Variants in GRIN2A observed in about 807,000 individuals in gnomAD.
GRIN2A encodes the protein glutamate ionotropic receptor NMDA type subunit 2A, also known as glutamate receptor ionotropic, NMDA 2A.
In GRIN2A, 22 loss-of-function variants were observed where a neutral mutation model predicts 113.4. That is an observed-to-expected ratio of 0.19 (90% CI 0.14 to 0.28). The LOEUF (loss-of-function observed/expected upper bound fraction) is 0.28. GRIN2A is among the 10% of genes least tolerant of loss of function. The pLI, the probability that GRIN2A is intolerant of heterozygous loss-of-function variation, is 1.00. For missense variants in GRIN2A, 1,502 were observed against 1,887.0 expected (o/e 0.80, Z 3.78); for synonymous variants, 827 against 738.4 (o/e 1.12, Z -1.94).
chr16:10,118,031 T>A (rs2048761730), intron 2 of GRIN2A, among the ~76,000 whole-genome samples: 1 of 151,992 alleles, frequency 6.6e-6, no homozygotes, highest in Non-Finnish European at 1.5e-5. Context: ...CCAATGATAA[T>A]CTTGGGGCAT....
intron 2 of GRIN2A, among the ~76,000 whole-genome samples, chr16:10,040,932 C>A (rs1328987206): frequency 6.6e-6 from 1 of 152,236 alleles, no homozygotes; most frequent in South Asian, 2.1e-4. Context: ...CTGCCGCAGG[C>A]TGGAAGAGGT....
intron 2 of GRIN2A, among the ~76,000 whole-genome samples, chr16:10,172,330 G>GT (rs1196188611): frequency 6.6e-6 from 1 of 152,238 alleles, no homozygotes; most frequent in African/African-American, 2.4e-5. Flanking sequence ...CTTAAGGCCA[G>GT]TGGGCTCAAC....
At chr16:10,092,131 G>C (rs1434160358) in intron 2 of GRIN2A, among the ~76,000 whole-genome samples, 1 of 152,160 alleles carries the variant, frequency 6.6e-6, no homozygotes, top group Non-Finnish European at 1.5e-5. Context: ...ACAAAGAATA[G>C]AAGAGTTTAG....
At position 10,058,405 on chromosome 16, in the gene GRIN2A, C is replaced by T. The variant is rs551685579; in HGVS notation, c.415-119854G>A. On this transcript the variant is annotated intron_variant, in intron 2 of 12. Transcript: ENST00000330684. ...AAACAAACTTGTGTTATGTTTATGT[C>T]GGTATTAACATGCTAAATCACAAGA... Among the ~76,000 whole-genome samples, 20 of 152,234 alleles carry T rather than the reference C, an allele frequency of 1.3e-4. No individual in the cohort carries two copies. In the South Asian group the frequency reaches 2.1e-3, roughly 16 times the overall value.
At chr16:9,949,552 A>G (rs1279044972) in intron 2 of GRIN2A, among the ~76,000 whole-genome samples, 2 of 151,100 alleles carry the variant, frequency 1.3e-5, no homozygotes, top group Admixed American at 1.3e-4. Context: ...GGTTGGGAGG[A>G]TGAATGAATG....
At chr16:9,920,201 A>T (rs2044332756) in intron 3 of GRIN2A, among the ~76,000 whole-genome samples, 1 of 152,240 alleles carries the variant, frequency 6.6e-6, no homozygotes, top group African/African-American at 2.4e-5. Context: ...TGTTGAGGGT[A>T]AATGGATACA....
rs1315475857 is a variant in GRIN2A at position 9,764,634 on chromosome 16, C to T, written c.2910G>A (p.Arg970=). ...MNELQTFVAN[R]QKDNLNNYVF... ...CATAGTTATTGAGGTTATCCTTCTGCCGGTTGGCCACAAATGTTTGGAGTT... is the reference window on the plus strand; with the variant it reads ...CATAGTTATTGAGGTTATCCTTCTGTCGGTTGGCCACAAATGTTTGGAGTT... Residue 970 remains arginine, a synonymous_variant, in exon 13 of 13, where the codon CGG becomes CGA. Transcript: ENST00000330684. The T allele has an allele frequency of 1.2e-6, 2 of 1,614,026 alleles. No individual in the cohort carries two copies. Among genetic ancestry groups the T allele is most frequent in the Admixed American group, 3.3e-5 (2 of 60,014 alleles).
intron 2 of GRIN2A, among the ~76,000 whole-genome samples, chr16:9,957,572 T>C (rs1447341189): frequency 1.3e-5 from 2 of 152,054 alleles, no homozygotes; most frequent in East Asian, 3.9e-4. Flanking sequence ...GCCAGAGTAG[T>C]GGAAATAAAG....
chr16:9,942,530 G>A (rs1012204167), intron 2 of GRIN2A, among the ~76,000 whole-genome samples: 3 of 152,116 alleles, frequency 2.0e-5, no homozygotes, highest in Non-Finnish European at 2.9e-5. Context: ...ATCTGTCCAC[G>A]CCTGACTTTG....
rs995480503 is a variant in GRIN2A at position 9,761,344 on chromosome 16, C to T, written c.*1805G>A. On this transcript the variant is annotated 3_prime_UTR_variant, in exon 13 of 13. Transcript: ENST00000330684. ...TAATTTTTCAACCTGCCACTTTATC[C>T]CTTTCTTCAAGAATGTAAAGCAGAA... The T allele has an allele frequency of 8.7e-6, 2 of 229,322 alleles. No individual in the cohort carries two copies. Among genetic ancestry groups the T allele is most frequent in the Non-Finnish European group, 1.7e-5 (2 of 115,728 alleles). 14.2% of individuals were successfully genotyped at this position (229,322 alleles called of 1,614,324 possible).
At chr16:10,019,568 T>C (rs17670766) in intron 2 of GRIN2A, among the ~76,000 whole-genome samples, 13,897 of 152,270 alleles carry the variant, frequency 0.091, 715 homozygotes, top group Non-Finnish European at 0.11. Context: ...CATAAACAAT[T>C]TATCTACCCA....
intron 2 of GRIN2A, among the ~76,000 whole-genome samples, chr16:10,144,627 GTTGA>G (rs2049394770): frequency 6.6e-6 from 1 of 152,080 alleles, no homozygotes; most frequent in Non-Finnish European, 1.5e-5. Flanking sequence ...TTTTCATTCT[GTTGA>G]TTGTTTCCTT....
chr16:10,016,872 A>C (rs1224688104), intron 2 of GRIN2A, among the ~76,000 whole-genome samples: 1 of 152,206 alleles, frequency 6.6e-6, no homozygotes, highest in Non-Finnish European at 1.5e-5. Context: ...CATGAGCAGC[A>C]GGATGGAGCT....
chr16:10,053,217 A>G (rs1596464733), intron 2 of GRIN2A, among the ~76,000 whole-genome samples: 1 of 152,204 alleles, frequency 6.6e-6, no homozygotes, highest in Non-Finnish European at 1.5e-5. Context: ...TCAGCAAGAA[A>G]ATCAAATGAC....
At chr16:10,149,740 C>T (rs2049528715) in intron 2 of GRIN2A, among the ~76,000 whole-genome samples, 1 of 152,152 alleles carries the variant, frequency 6.6e-6, no homozygotes, top group African/African-American at 2.4e-5. Flanking sequence ...GCCCCCTATC[C>T]CCTCCTCACT....
At chr16:10,112,206 C>A in intron 2 of GRIN2A, 1 of 595,412 alleles carries the variant, frequency 1.7e-6, no homozygotes, top group East Asian at 3.4e-5. Context: ...GGACTCCTCC[C>A]AAGGGAACTC....
At chr16:9,883,383 G>A (rs183890833) in intron 4 of GRIN2A, among the ~76,000 whole-genome samples, 29 of 152,310 alleles carry the variant, frequency 1.9e-4, no homozygotes, top group Admixed American at 3.3e-4. Flanking sequence ...TAGTCTAAGC[G>A]AAGATGAATA....
At chr16:10,021,190 T>A (rs2075996869) in intron 2 of GRIN2A, among the ~76,000 whole-genome samples, 1 of 152,166 alleles carries the variant, frequency 6.6e-6, no homozygotes, top group South Asian at 2.1e-4. Context: ...AAGCAGCCTG[T>A]ACCTTCCCAG....
At chr16:9,864,799 G>C (rs545784816) in intron 4 of GRIN2A, among the ~76,000 whole-genome samples, 1 of 152,242 alleles carries the variant, frequency 6.6e-6, no homozygotes, top group South Asian at 2.1e-4. Context: ...TCTGGAACTT[G>C]GTAGCAGGTC....
Sources: allele counts gnomAD v4.1 joint callset (sites outside exome capture counted in the v4.1 genomes callset), GRCh38; gene constraint gnomAD v4.1.1; transcripts MANE v1.5; gene names NCBI Gene and HGNC (gene_info 2026-07-23, HGNC 2026-07-21).